Variants in LPGAT1 observed in about 807,000 individuals in gnomAD.
The protein encoded by LPGAT1 is acyl-CoA:lysophosphatidylglycerol acyltransferase 1.
Under a neutral mutation model 47.5 loss-of-function variants are expected in LPGAT1, and 11 were observed. That is an observed-to-expected ratio of 0.23 (90% CI 0.15 to 0.38). The LOEUF (loss-of-function observed/expected upper bound fraction) is 0.38, where lower values mean the gene tolerates loss of function less well. Ranked by LOEUF, LPGAT1 falls within the 10% of genes least tolerant of loss-of-function variation. LPGAT1 has a pLI of 1.00. For synonymous variants in LPGAT1, 138 were observed against 144.2 expected (o/e 0.96, Z 0.31); for missense variants, 293 against 439.0 (o/e 0.67, Z 2.97).
chr1:211,761,522 T>C (rs1009695934), intron 6 of LPGAT1, among the ~76,000 whole-genome samples: 2 of 152,224 alleles, frequency 1.3e-5, no homozygotes, highest in Non-Finnish European at 2.9e-5. Context: ...TCAGAGCTAC[T>C]GGCTGAGGAT....
chr1:211,785,410 A>G (rs1211918000), intron 4 of LPGAT1, among the ~76,000 whole-genome samples: 1 of 152,040 alleles, frequency 6.6e-6, no homozygotes, highest in African/African-American at 2.4e-5. Context: ...CCTTCCCCTC[A>G]TGTTATAGAT....
At chr1:211,801,761 A>C (rs990560473) in intron 2 of LPGAT1, among the ~76,000 whole-genome samples, 17 of 151,164 alleles carry the variant, frequency 1.1e-4, no homozygotes, top group Non-Finnish European at 2.4e-4. Flanking sequence ...GGAGAAAGAA[A>C]AGAAGGGAAA....
At chr1:211,802,101 A>AG (rs1558276137) in intron 2 of LPGAT1, among the ~76,000 whole-genome samples, 4 of 150,396 alleles carry the variant, frequency 2.7e-5, no homozygotes, top group Non-Finnish European at 4.4e-5. Context: ...AAAAAAAAAA[A>AG]AGAGAAAAAA....
intron 2 of LPGAT1, among the ~76,000 whole-genome samples, chr1:211,810,826 T>C (rs1659962079): frequency 6.6e-6 from 1 of 152,176 alleles, no homozygotes; most frequent in Non-Finnish European, 1.5e-5. Context: ...CAGCTGGTAC[T>C]GAGAAGAAGA....
At chr1:211,750,909 G>T in intron 7 of LPGAT1, 52 bp downstream of exon 7, 1 of 1,289,010 alleles carries the variant, frequency 7.8e-7, no homozygotes, top group Non-Finnish European at 1.1e-6. Flanking sequence ...TTTAAAAGAG[G>T]CTTTCATTAC....
At chr1:211,759,879 G>A (rs1483354445) in intron 6 of LPGAT1, among the ~76,000 whole-genome samples, 1 of 152,178 alleles carries the variant, frequency 6.6e-6, no homozygotes, top group African/African-American at 2.4e-5. Context: ...TCATATGTAA[G>A]TTTATAGGAT....
chr1:211,778,352 A>G (rs925084020), intron 6 of LPGAT1, among the ~76,000 whole-genome samples: 2 of 151,048 alleles, frequency 1.3e-5, no homozygotes, highest in Non-Finnish European at 3.0e-5. Context: ...AAAAAAAAAA[A>G]AAAAAAAAAA....
At chr1:211,759,757 C>T (rs192935890) in intron 6 of LPGAT1, among the ~76,000 whole-genome samples, 2 of 152,226 alleles carry the variant, frequency 1.3e-5, no homozygotes, top group East Asian at 3.9e-4. Context: ...TCATTGTAAT[C>T]TCTTAATACA....
intron 5 of LPGAT1, among the ~76,000 whole-genome samples, chr1:211,779,511 C>T (rs1658548712): frequency 6.6e-6 from 1 of 152,080 alleles, no homozygotes; most frequent in Admixed American, 6.6e-5. Flanking sequence ...AACATGGCAA[C>T]AAAATTAAGC....
At chr1:211,758,829 TTA>T (rs1657571211) in intron 6 of LPGAT1, among the ~76,000 whole-genome samples, 1 of 152,252 alleles carries the variant, frequency 6.6e-6, no homozygotes, top group Non-Finnish European at 1.5e-5. Flanking sequence ...GTAAAATTTT[TTA>T]TAGATACCAT....
chr1:211,829,489 G>C (rs1191277800), intron 1 of LPGAT1, 166 bp from the exon 2 acceptor site: 19 of 1,433,678 alleles, frequency 1.3e-5, no homozygotes, highest in Admixed American at 8.6e-5. Context: ...GGGGGACAGA[G>C]AGCGAGGGAG....
intron 2 of LPGAT1, among the ~76,000 whole-genome samples, chr1:211,828,585 C>A (rs1019639470): frequency 2.6e-5 from 4 of 152,092 alleles, no homozygotes; most frequent in African/African-American, 4.8e-5. Context: ...GAAAAGAAAG[C>A]CATTTTTGCT....
At position 211,745,335 on chromosome 1, in the gene LPGAT1, G is replaced by A. The variant is rs1040271809; in HGVS notation, c.*4564C>T. 2 of 152,118 alleles carry A rather than the reference G, an allele frequency of 1.3e-5. No homozygotes were observed. The highest frequency in any genetic ancestry group is 2.9e-5 in the Non-Finnish European group (2 of 67,992). The allele number at this position is 152,118 out of a possible 1,614,324, so 9.4% of individuals were successfully genotyped here. On this transcript the variant is annotated 3_prime_UTR_variant, in exon 8 of 8. Transcript: ENST00000366997. ...TATAATAACTGTAAAGAAAATGAAA[G>A]CACTTAATAAAAATAATGGCAGTTG...
chr1:211,759,701 T>G (rs989881396), intron 6 of LPGAT1, among the ~76,000 whole-genome samples: 1 of 152,238 alleles, frequency 6.6e-6, no homozygotes, highest in Non-Finnish European at 1.5e-5. Context: ...CAACTTTTGA[T>G]AGATAATATT....
chr1:211,793,843 T>C (rs1237876894), intron 2 of LPGAT1, among the ~76,000 whole-genome samples: 1 of 152,150 alleles, frequency 6.6e-6, no homozygotes, highest in Non-Finnish European at 1.5e-5. Flanking sequence ...ACTTAAATGT[T>C]CACCAACAAG....
At chr1:211,761,450 A>G (rs1029840142) in intron 6 of LPGAT1, among the ~76,000 whole-genome samples, 17 of 151,698 alleles carry the variant, frequency 1.1e-4, no homozygotes, top group Admixed American at 1.1e-3. Flanking sequence ...GGATTACAAG[A>G]AAAAAAAATC....
At chr1:211,823,778 C>CT (rs1401474657) in intron 2 of LPGAT1, among the ~76,000 whole-genome samples, 3 of 151,738 alleles carry the variant, frequency 2.0e-5, no homozygotes, top group Admixed American at 6.6e-5. Flanking sequence ...CCTACAAAAA[C>CT]TTTTTTTAAA....
At chr1:211,788,185 C>T (rs1558269018) in intron 3 of LPGAT1, among the ~76,000 whole-genome samples, 1 of 151,716 alleles carries the variant, frequency 6.6e-6, no homozygotes, top group Non-Finnish European at 1.5e-5. Context: ...ATGTAGTGTC[C>T]CAAATAAAAC....
At chr1:211,766,408 C>T (rs1312364530) in intron 6 of LPGAT1, among the ~76,000 whole-genome samples, 1 of 152,108 alleles carries the variant, frequency 6.6e-6, no homozygotes, top group African/African-American at 2.4e-5. Context: ...TGTGATAAAC[C>T]CATTGTAAGT....
Sources: allele counts gnomAD v4.1 joint callset (sites outside exome capture counted in the v4.1 genomes callset), GRCh38; gene constraint gnomAD v4.1.1; transcripts MANE v1.5; gene names NCBI Gene and HGNC (gene_info 2026-07-23, HGNC 2026-07-21).